The following TMEM132C variants were observed in gnomAD, a reference collection of about 807,000 sequenced individuals.
TMEM132C encodes the protein protein phosphatase 1, regulatory subunit 152.
In TMEM132C, 29 loss-of-function variants were observed where a neutral mutation model predicts 61.4. The observed-to-expected ratio is 0.47, with a 90% CI of 0.35 to 0.64. The LOEUF (loss-of-function observed/expected upper bound fraction) is 0.64. Among genes scored for constraint, TMEM132C ranks in the 30% least tolerant of loss-of-function variants. TMEM132C has a pLI of 0.00. For synonymous variants in TMEM132C, 656 were observed against 633.1 expected (o/e 1.04, Z -0.54); for missense variants, 1,408 against 1,476.9 (o/e 0.95, Z 0.76).
intron 3 of TMEM132C, among the ~76,000 whole-genome samples, chr12:128,551,307 G>A (rs1297187064): frequency 6.6e-6 from 1 of 151,968 alleles, no homozygotes; most frequent in Admixed American, 6.6e-5. Context: ...TGTTCTGCTG[G>A]AGTGCCGTCT....
At chr12:128,660,531 G>A (rs1954376887) in intron 4 of TMEM132C, among the ~76,000 whole-genome samples, 1 of 152,218 alleles carries the variant, frequency 6.6e-6, no homozygotes, top group East Asian at 1.9e-4. Context: ...TCATAGCAAA[G>A]TGTAAGGCAG....
intron 3 of TMEM132C, among the ~76,000 whole-genome samples, chr12:128,608,716 C>G (rs763443250): frequency 1.3e-5 from 2 of 152,188 alleles, no homozygotes; most frequent in African/African-American, 2.4e-5. Context: ...CTGAGTGTCA[C>G]CTCTCAAGAT....
chr12:128,490,352 G>A lies in TMEM132C; in HGVS notation c.975-53605G>A, dbSNP rs1421660231. Reference sequence around the variant, plus strand: ...AGCACCAGTGGGTTTTCTTTCCCTCGCCTTGCCCTGGAAGAGATCACCTGG... The same window carrying A: ...AGCACCAGTGGGTTTTCTTTCCCTCACCTTGCCCTGGAAGAGATCACCTGG... On this transcript the variant is annotated intron_variant, in intron 2 of 8. Coordinates refer to ENST00000435159, the MANE Select transcript of TMEM132C (RefSeq NM_001136103.3). 2.6e-5 allele frequency among the ~76,000 whole-genome samples: 4 copies of A among 152,198 alleles called. No individual in the cohort carries two copies. In the East Asian group the frequency reaches 5.8e-4, roughly 22 times the overall value.
At chr12:128,339,987 A>T (rs528518355) in intron 1 of TMEM132C, among the ~76,000 whole-genome samples, 1 of 152,298 alleles carries the variant, frequency 6.6e-6, no homozygotes, top group East Asian at 1.9e-4. Flanking sequence ...TTGTACAGAC[A>T]TTTTTTAAAA....
At chr12:128,267,781 G>C (rs934839424) in intron 1 of TMEM132C, among the ~76,000 whole-genome samples, 1 of 152,150 alleles carries the variant, frequency 6.6e-6, no homozygotes, top group Non-Finnish European at 1.5e-5. Context: ...TGAGGGACAC[G>C]GTGTTTGTTC....
intron 3 of TMEM132C, among the ~76,000 whole-genome samples, chr12:128,558,502 T>C (rs1197847215): frequency 1.3e-5 from 2 of 152,246 alleles, no homozygotes; most frequent in Non-Finnish European, 2.9e-5. Context: ...TCCACCATGA[T>C]CATGAGGCCT....
chr12:128,531,946 G>A (rs12371559), intron 2 of TMEM132C, among the ~76,000 whole-genome samples: 29,470 of 152,078 alleles, frequency 0.19, 3,319 homozygotes, highest in African/African-American at 0.3. Context: ...AAACCAGCTC[G>A]CATTATTAAA....
chr12:128,468,755 A>G lies in TMEM132C; in HGVS notation c.974+53135A>G, dbSNP rs532689000. Among the ~76,000 whole-genome samples the G allele has an allele frequency of 2.0e-5, 3 of 152,354 alleles. No individual in the cohort carries two copies. The South Asian group carries it at 6.2e-4, about 32-fold the overall frequency. On this transcript the variant is annotated intron_variant, in intron 2 of 8. Transcript: ENST00000435159. Reference sequence around the variant, plus strand: ...ACCACTAATGTTAGAAGGTACATTAACTTTTTTATTTTTATAATAATGTAT... The same window carrying G: ...ACCACTAATGTTAGAAGGTACATTAGCTTTTTTATTTTTATAATAATGTAT...
intron 1 of TMEM132C, among the ~76,000 whole-genome samples, chr12:128,347,832 C>G (rs1415807979): frequency 6.6e-6 from 1 of 152,182 alleles, no homozygotes; most frequent in Non-Finnish European, 1.5e-5. Context: ...TTTAAGGAAT[C>G]CTCATACTGT....
chr12:128,523,708 C>A (rs1037579359), intron 2 of TMEM132C, among the ~76,000 whole-genome samples: 2 of 151,674 alleles, frequency 1.3e-5, no homozygotes, highest in Non-Finnish European at 2.9e-5. Context: ...CAAAACAAAA[C>A]CTCTGATTGA....
chr12:128,352,445 A>G lies in TMEM132C; in HGVS notation c.86-62287A>G, dbSNP rs1283982670. Among the ~76,000 whole-genome samples, 5 of 152,324 alleles carry G rather than the reference A, an allele frequency of 3.3e-5. No homozygotes were observed. The East Asian group carries it at 9.7e-4, about 29-fold the overall frequency. On this transcript the variant is annotated intron_variant, in intron 1 of 8. Coordinates refer to ENST00000435159, the MANE Select transcript of TMEM132C (RefSeq NM_001136103.3). Reference sequence around the variant, plus strand: ...GTCCTTCCCACAACACATGGGGATTATGGGAACTACAATTCAAGATGAGAT... The same window carrying G: ...GTCCTTCCCACAACACATGGGGATTGTGGGAACTACAATTCAAGATGAGAT...
At chr12:128,512,926 G>A (rs1279851315) in intron 2 of TMEM132C, among the ~76,000 whole-genome samples, 1 of 152,196 alleles carries the variant, frequency 6.6e-6, no homozygotes, top group South Asian at 2.1e-4. Flanking sequence ...GAGTTCATGC[G>A]ACAGACGTAT....
In TMEM132C at chr12:128,497,251, T is replaced by A. The variant is rs945434261; in HGVS notation, c.975-46706T>A. ...ATGTCAGTCTGCCCCTACTGGGCGG[T>A]GCCTCCCAGTTAGGCTACTCGGGGT... is the stretch of plus-strand genomic sequence containing the variant. On this transcript the variant is annotated intron_variant, in intron 2 of 8. Transcript: ENST00000435159. 4.6e-5 allele frequency among the ~76,000 whole-genome samples: 7 copies of A among 152,304 alleles called. No homozygotes were observed. In the South Asian group the frequency reaches 1.5e-3, roughly 32 times the overall value.
intron 4 of TMEM132C, among the ~76,000 whole-genome samples, chr12:128,662,721 G>T (rs1235656884): frequency 1.3e-5 from 2 of 152,166 alleles, no homozygotes; most frequent in Non-Finnish European, 2.9e-5. Context: ...CACATGCCAA[G>T]AGCTCCTCAA....
chr12:128,307,921 C>T (rs924820118), intron 1 of TMEM132C, among the ~76,000 whole-genome samples: 7 of 152,212 alleles, frequency 4.6e-5, no homozygotes, highest in African/African-American at 1.4e-4. Context: ...CCCTCCCTGA[C>T]TGTCAGTCCC....
rs115106640 is a variant in TMEM132C at position 128,589,355 on chromosome 12, C to G, written c.1122-26797C>G. ...TTTTCTGCAGCCTGCATCCCTCCGC[C>G]CAGACCTCCCTCCATGCTCACCTGG... On this transcript the variant is annotated intron_variant, in intron 3 of 8. Transcript: ENST00000435159. Among the ~76,000 whole-genome samples, 1,459 of 152,154 alleles carry G rather than the reference C, an allele frequency of 9.6e-3. 12 individuals carry two copies. The highest frequency in any genetic ancestry group is 0.021 in the South Asian group (99 of 4,818).
At chr12:128,476,022 T>C (rs1871142848) in intron 2 of TMEM132C, among the ~76,000 whole-genome samples, 1 of 152,150 alleles carries the variant, frequency 6.6e-6, no homozygotes, top group African/African-American at 2.4e-5. Flanking sequence ...GTCCAGACAT[T>C]AAATCAAGCC....
At chr12:128,370,120 T>A (rs1348363768) in intron 1 of TMEM132C, among the ~76,000 whole-genome samples, 3 of 152,162 alleles carry the variant, frequency 2.0e-5, no homozygotes, top group Non-Finnish European at 4.4e-5. Context: ...ACAAATCCAC[T>A]GTTGACTTCC....
chr12:128,289,575 A>G (rs370629941), intron 1 of TMEM132C, among the ~76,000 whole-genome samples: 7 of 152,316 alleles, frequency 4.6e-5, no homozygotes, highest in Admixed American at 2.6e-4. Context: ...ATTTTGGAGA[A>G]TATTCTGAAA....
Sources: allele counts gnomAD v4.1 joint callset (sites outside exome capture counted in the v4.1 genomes callset), GRCh38; gene constraint gnomAD v4.1.1; transcripts MANE v1.5; gene names NCBI Gene and HGNC (gene_info 2026-07-23, HGNC 2026-07-21).